Variants in CSMD1 observed in about 807,000 individuals in gnomAD.
CSMD1 encodes CUB and Sushi multiple domains 1.
A neutral mutation model predicts 417.5 loss-of-function variants in CSMD1; 213 were observed. The observed-to-expected ratio is 0.51, with a 90% CI of 0.46 to 0.57. The LOEUF (loss-of-function observed/expected upper bound fraction) is 0.57, where lower values mean the gene tolerates loss of function less well. CSMD1 is among the 20% of genes least tolerant of loss of function. The pLI, the probability that CSMD1 is intolerant of heterozygous loss-of-function variation, is 0.00. For synonymous variants in CSMD1, 2,862 were observed against 1,736.8 expected (o/e 1.65, Z -16.11); for missense variants, 6,923 against 4,529.7 (o/e 1.53, Z -15.17).
chr8:3,235,916 G>GTTTTTTTTTTT (rs11414439), intron 26 of CSMD1, among the ~76,000 whole-genome samples: 4,005 of 119,088 alleles, frequency 0.034, 210 homozygotes, highest in African/African-American at 0.036. Flanking sequence ...GAAGATGTAA[G>GTTTTTTTTTTT]TTTTTTTTTT....
chr8:3,170,425 G>C (rs1820512156), intron 37 of CSMD1, among the ~76,000 whole-genome samples: 1 of 152,060 alleles, frequency 6.6e-6, no homozygotes, highest in African/African-American at 2.4e-5. Context: ...AGCCAGGATG[G>C]TCTCGATCTC....
At chr8:3,051,684 T>C (rs1050637732) in intron 50 of CSMD1, among the ~76,000 whole-genome samples, 16 of 152,312 alleles carry the variant, frequency 1.1e-4, no homozygotes, top group African/African-American at 3.8e-4. Context: ...TATAGAACCA[T>C]AAAAATTCAT....
rs370852279 is a variant in CSMD1 at position 3,061,670 on chromosome 8, T to A, written c.7475-9023A>T. Among the ~76,000 whole-genome samples the A allele has an allele frequency of 1.4e-4, 22 of 152,300 alleles. No homozygotes were observed. In the East Asian group the frequency reaches 3.9e-3, roughly 27 times the overall value. On this transcript the variant is annotated intron_variant, in intron 49 of 69. Transcript: ENST00000635120. Reference sequence around the variant, plus strand: ...TGACTCAGAAAGTCATATACACAGGTGGTAGAAATGACAAAGTTATAGCGA... The same window carrying A: ...TGACTCAGAAAGTCATATACACAGGAGGTAGAAATGACAAAGTTATAGCGA...
intron 1 of CSMD1, among the ~76,000 whole-genome samples, chr8:4,935,889 G>A (rs1221220374): frequency 6.6e-6 from 1 of 152,210 alleles, no homozygotes. Context: ...CAATTTCTGG[G>A]CTGTCTTCCT....
At chr8:3,925,475 A>T (rs1457041648) in intron 5 of CSMD1, among the ~76,000 whole-genome samples, 1 of 152,212 alleles carries the variant, frequency 6.6e-6, no homozygotes, top group Non-Finnish European at 1.5e-5. Context: ...TAACGTTCAT[A>T]ATGCTGGGTG....
chr8:4,585,142 A>C (rs1326742577), intron 2 of CSMD1, among the ~76,000 whole-genome samples: 1 of 152,104 alleles, frequency 6.6e-6, no homozygotes, highest in Non-Finnish European at 1.5e-5. Context: ...CAGGAAGTGT[A>C]GATATTAAAG....
intron 3 of CSMD1, among the ~76,000 whole-genome samples, chr8:4,411,989 G>GGTGTGT (rs60793651): frequency 0.08 from 11,885 of 148,952 alleles, 495 homozygotes; most frequent in South Asian, 0.14. Context: ...CATAGCTAAG[G>GGTGTGT]GTGTGTGTGT....
intron 3 of CSMD1, among the ~76,000 whole-genome samples, chr8:4,330,001 GC>G (rs1799777866): frequency 1.3e-5 from 2 of 152,054 alleles, no homozygotes; most frequent in Non-Finnish European, 2.9e-5. Context: ...CCAGCACCAT[GC>G]TTCCTGTACA....
At chr8:4,762,204 C>T (rs949328171) in intron 1 of CSMD1, among the ~76,000 whole-genome samples, 1 of 151,858 alleles carries the variant, frequency 6.6e-6, no homozygotes, top group Non-Finnish European at 1.5e-5. Context: ...AATTGTTGTG[C>T]TAAAATCATA....
At chr8:3,788,982 T>C (rs901276140) in intron 5 of CSMD1, among the ~76,000 whole-genome samples, 1 of 152,160 alleles carries the variant, frequency 6.6e-6, no homozygotes, top group Non-Finnish European at 1.5e-5. Context: ...GATTCCAAAT[T>C]GTAAGTTATT....
At chr8:4,515,406 G>T (rs930423132) in intron 2 of CSMD1, among the ~76,000 whole-genome samples, 1 of 152,130 alleles carries the variant, frequency 6.6e-6, no homozygotes, top group Non-Finnish European at 1.5e-5. Flanking sequence ...ATGAAGAGGC[G>T]TCTTTGTCTG....
At chr8:4,390,255 A>C (rs1267082419) in intron 3 of CSMD1, among the ~76,000 whole-genome samples, 1 of 152,078 alleles carries the variant, frequency 6.6e-6, no homozygotes, top group African/African-American at 2.4e-5. Flanking sequence ...GAAAAAGAAA[A>C]ACCAACTACT....
In CSMD1 at chr8:3,648,080, G is replaced by C. The variant is rs537327550; in HGVS notation, c.1010-31283C>G. 2.6e-5 allele frequency among the ~76,000 whole-genome samples: 4 copies of C among 152,336 alleles called. No individual in the cohort carries two copies. The East Asian group carries it at 7.7e-4, about 29-fold the overall frequency. On this transcript the variant is annotated intron_variant, in intron 7 of 69. Transcript: ENST00000635120. Reference sequence around the variant, plus strand: ...GGAGATGGAGGACAGATGGATGGATGTGTTCTAGCTGCAGGAAGGAGGTGT... The same window carrying C: ...GGAGATGGAGGACAGATGGATGGATCTGTTCTAGCTGCAGGAAGGAGGTGT...
intron 2 of CSMD1, among the ~76,000 whole-genome samples, chr8:4,422,141 C>G (rs1797283931): frequency 6.6e-6 from 1 of 152,078 alleles, no homozygotes; most frequent in Admixed American, 6.6e-5. Flanking sequence ...AAACTTTCCC[C>G]AAATTTCCAG....
intron 7 of CSMD1, among the ~76,000 whole-genome samples, chr8:3,655,166 T>G (rs1798040877): frequency 6.6e-6 from 1 of 152,224 alleles, no homozygotes. Flanking sequence ...TTTGACTTTG[T>G]TCCACAGGGA....
Position 4,592,230 on chromosome 8 carries a change from T to C in CSMD1, c.302+45112A>G, listed in dbSNP as rs530609957. On this transcript the variant is annotated intron_variant, in intron 2 of 69. Transcript: ENST00000635120. Reference sequence around the variant, plus strand: ...ATCTTCCTTTAATTGTGCCTCTTATTATCTTATCTAGTTGCAGTAACTAAA... The same window carrying C: ...ATCTTCCTTTAATTGTGCCTCTTATCATCTTATCTAGTTGCAGTAACTAAA... Among the ~76,000 whole-genome samples the C allele has an allele frequency of 2.0e-5, 3 of 151,542 alleles. No homozygotes were observed. The East Asian group carries it at 5.8e-4, about 29-fold the overall frequency.
chr8:3,462,935 G>A (rs9792233), intron 12 of CSMD1, among the ~76,000 whole-genome samples: 20,543 of 152,204 alleles, frequency 0.13, 1,415 homozygotes, highest in East Asian at 0.22. Flanking sequence ...GAGCCCCTGT[G>A]AACAGGATTA....
At chr8:3,179,562 A>G (rs1219903673) in intron 37 of CSMD1, among the ~76,000 whole-genome samples, 1 of 152,204 alleles carries the variant, frequency 6.6e-6, no homozygotes, top group Non-Finnish European at 1.5e-5. Context: ...AGGTAAGTGC[A>G]TATCTCACTG....
chr8:3,735,605 T>G (rs893708449), intron 6 of CSMD1, among the ~76,000 whole-genome samples: 2 of 152,216 alleles, frequency 1.3e-5, no homozygotes, highest in Non-Finnish European at 2.9e-5. Context: ...ACTACTCATT[T>G]AACTCTCTCC....
Sources: allele counts gnomAD v4.1 joint callset (sites outside exome capture counted in the v4.1 genomes callset), GRCh38; gene constraint gnomAD v4.1.1; transcripts MANE v1.5; gene names NCBI Gene and HGNC (gene_info 2026-07-23, HGNC 2026-07-21).